Variants in MON2 observed in about 807,000 individuals in gnomAD.
The protein encoded by MON2 is protein MON2 homolog.
A neutral mutation model predicts 208.6 loss-of-function variants in MON2; 84 were observed. That is an observed-to-expected ratio of 0.40 (90% CI 0.34 to 0.48). The LOEUF is 0.48. Among genes scored for constraint, MON2 ranks in the 20% least tolerant of loss-of-function variants. The pLI, the probability that MON2 is intolerant of heterozygous loss-of-function variation, is 0.59. For synonymous variants in MON2, 660 were observed against 694.0 expected (o/e 0.95, Z 0.77); for missense variants, 1,611 against 2,015.4 (o/e 0.80, Z 3.84).
intron 8 of MON2, 68 bp from the exon 9 acceptor site, chr12:62,524,447 A>G: frequency 1.5e-6 from 2 of 1,338,780 alleles, no homozygotes; most frequent in Non-Finnish European, 2.1e-6. Flanking sequence ...TAAGTTAAGA[A>G]TAAGAACACA....
At chr12:62,495,234 G>A in intron 4 of MON2, 87 bp downstream of exon 4, 1 of 1,249,428 alleles carries the variant, frequency 8.0e-7, no homozygotes, top group Admixed American at 2.4e-5. Context: ...GGTGCCATTT[G>A]AACCAAAAGC....
chr12:62,508,186 G>C, intron 7 of MON2, 100 bp from the exon 8 acceptor site: 1 of 799,848 alleles, frequency 1.3e-6, no homozygotes, highest in Non-Finnish European at 2.0e-6. Flanking sequence ...ATTAATACTG[G>C]TTATTAAGAA....
At chr12:62,529,993 A>G (rs2072544363) in intron 11 of MON2, among the ~76,000 whole-genome samples, 2 of 152,336 alleles carry the variant, frequency 1.3e-5, no homozygotes, top group African/African-American at 2.4e-5. Flanking sequence ...TGGTGGGAAC[A>G]TCTGAATTCG....
chr12:62,545,106 T>C, intron 21 of MON2, 98 bp downstream of exon 21: 1 of 704,354 alleles, frequency 1.4e-6, no homozygotes, highest in Non-Finnish European at 2.2e-6. Flanking sequence ...ATTCTAAGAG[T>C]AGGGTTTTTA....
At chr12:62,473,313 TG>T (rs2068887420) in intron 1 of MON2, among the ~76,000 whole-genome samples, 1 of 80,760 alleles carries the variant, frequency 1.2e-5, no homozygotes, top group Non-Finnish European at 2.4e-5. Context: ...GTAGTAAAGC[TG>T]GAAAATGGTG....
intron 1 of MON2, among the ~76,000 whole-genome samples, chr12:62,476,110 A>C (rs886975923): frequency 6.6e-6 from 1 of 152,140 alleles, no homozygotes; most frequent in Non-Finnish European, 1.5e-5. Context: ...CCAGTCTTTG[A>C]TTTGTTAAGG....
intron 6 of MON2, among the ~76,000 whole-genome samples, chr12:62,501,227 C>A (rs2070812763): frequency 6.6e-6 from 1 of 152,076 alleles, no homozygotes; most frequent in Non-Finnish European, 1.5e-5. Context: ...ATTTTTACAT[C>A]ACTTGTCATG....
At chr12:62,583,504 G>C (rs1248024714) in intron 32 of MON2, among the ~76,000 whole-genome samples, 1 of 151,654 alleles carries the variant, frequency 6.6e-6, no homozygotes, top group Non-Finnish European at 1.5e-5. Context: ...AAGAACTGAA[G>C]AACAAAACTT....
At position 62,498,594 on chromosome 12, in the gene MON2, G is replaced by C. The variant is rs915760794; in HGVS notation, c.436-325G>C. On this transcript the variant is annotated intron_variant, in intron 4 of 34. Transcript: ENST00000393630. The stretch of plus-strand genomic sequence containing the variant: ...GCTTAGCAATCACATAGCTTCTCCA[G>C]ATCATTAAGTGATACAACAAACTTT... Among the ~76,000 whole-genome samples the C allele has an allele frequency of 3.3e-5, 5 of 152,172 alleles. No homozygotes were observed. The East Asian group carries it at 9.7e-4, about 29-fold the overall frequency.
rs776723641 is a variant in MON2 at position 62,535,497 on chromosome 12, C to T, written c.1716-28C>T. 1.3e-5 allele frequency: 19 copies of T among 1,488,734 alleles called. No homozygotes were observed. The Admixed American group carries it at 4.2e-4, about 33-fold the overall frequency. 92.2% of individuals were successfully genotyped at this position (1,488,734 alleles called of 1,614,324 possible). ...ACAATGTAATTAAAAATAAGTTAAT[C>T]AGATTAAATAAAATACTTTCTTTTC... is the stretch of plus-strand genomic sequence containing the variant. On this transcript the variant is annotated intron_variant, in intron 13 of 34. Coordinates refer to ENST00000393630, the MANE Select transcript of MON2 (RefSeq NM_015026.3).
At chr12:62,497,607 GTTTC>G (rs1204306806) in intron 4 of MON2, among the ~76,000 whole-genome samples, 17 of 152,026 alleles carry the variant, frequency 1.1e-4, no homozygotes, top group Non-Finnish European at 2.4e-4. Context: ...GAAACTGGCG[GTTTC>G]TTTCTTTTCT....
chr12:62,488,050 G>A (rs1231434658), intron 2 of MON2, among the ~76,000 whole-genome samples: 1 of 152,056 alleles, frequency 6.6e-6, no homozygotes, highest in Non-Finnish European at 1.5e-5. Context: ...TTAAATGTAG[G>A]CTAATAAATA....
At chr12:62,516,094 G>C (rs1018132391) in intron 8 of MON2, among the ~76,000 whole-genome samples, 1 of 152,184 alleles carries the variant, frequency 6.6e-6, no homozygotes, top group South Asian at 2.1e-4. Flanking sequence ...ACCATAAAAA[G>C]AAAAGTGAGA....
At chr12:62,467,358 T>A (rs759528147) in intron 1 of MON2, 40 bp downstream of exon 1, 3 of 1,517,220 alleles carry the variant, frequency 2.0e-6, no homozygotes, top group Admixed American at 3.3e-5. Flanking sequence ...ACTGTGAGCA[T>A]GCCTGGTCCT....
chr12:62,532,403 T>C, intron 11 of MON2, 35 bp from the exon 12 acceptor site: 1 of 1,433,912 alleles, frequency 7.0e-7, no homozygotes, highest in Non-Finnish European at 9.8e-7. Context: ...TTGTTGTGGC[T>C]TCTCATTAGT....
At chr12:62,470,723 T>C in intron 1 of MON2, 1 of 1,172,788 alleles carries the variant, frequency 8.5e-7, no homozygotes, top group African/African-American at 1.6e-5. Flanking sequence ...GGTATCTAAC[T>C]GAGCCTGGAA....
chr12:62,577,226 G>C (rs2074825166), intron 30 of MON2, among the ~76,000 whole-genome samples: 1 of 151,998 alleles, frequency 6.6e-6, no homozygotes, highest in African/African-American at 2.4e-5. Context: ...TCAGGTTTGG[G>C]TAAATTTCTT....
chr12:62,534,704 A>C (rs2072882540), intron 12 of MON2, 141 bp from the exon 13 acceptor site: 1 of 547,216 alleles, frequency 1.8e-6, no homozygotes, highest in African/African-American at 2.0e-5. Context: ...AGATTTTTAA[A>C]TACTGAATAT....
At chr12:62,552,853 A>G in intron 23 of MON2, 28 bp from the exon 24 acceptor site, 3 of 1,571,376 alleles carry the variant, frequency 1.9e-6, no homozygotes, top group East Asian at 4.5e-5. Flanking sequence ...CCTTGGATGA[A>G]CTAATATTTT....
Sources: gnomAD v4.1 joint callset for allele counts (sites outside exome capture counted in the v4.1 genomes callset) on GRCh38, gnomAD v4.1.1 for gene constraint, MANE v1.5 for transcripts, NCBI Gene and HGNC (gene_info 2026-07-23, HGNC 2026-07-21) for gene names.